Variants in MAP4K3 observed in about 807,000 individuals in gnomAD.
MAP4K3 encodes mitogen-activated protein kinase kinase kinase kinase 3.
A neutral mutation model predicts 143.5 loss-of-function variants in MAP4K3; 94 were observed. The ratio of observed to expected loss-of-function variants is 0.65; its 90% CI spans 0.55 to 0.78. The LOEUF is 0.78. MAP4K3 is among the 30% of genes least tolerant of loss of function. The pLI is 0.00. For missense variants in MAP4K3, 1,077 were observed against 1,068.1 expected (o/e 1.01, Z -0.12); for synonymous variants, 416 against 347.2 (o/e 1.20, Z -2.20).
chr2:39,365,421 G>A (rs1573202958), intron 2 of MAP4K3, among the ~76,000 whole-genome samples: 2 of 143,278 alleles, frequency 1.4e-5, no homozygotes, highest in East Asian at 2.1e-4. Flanking sequence ...TTTGGGTTAC[G>A]CCATAGTAAT....
intron 24 of MAP4K3, 57 bp from the exon 25 acceptor site, chr2:39,272,599 C>A: frequency 1.5e-6 from 2 of 1,364,374 alleles, no homozygotes; most frequent in South Asian, 2.4e-5. Context: ...CAATGTAAAT[C>A]TGTACACAGT....
chr2:39,395,196 A>G (rs546906996), intron 1 of MAP4K3, among the ~76,000 whole-genome samples: 32 of 152,222 alleles, frequency 2.1e-4, no homozygotes, highest in Non-Finnish European at 4.1e-4. Flanking sequence ...GCAATGTGCA[A>G]TAAACCCACC....
chr2:39,313,342 G>T (rs542255456), intron 13 of MAP4K3, among the ~76,000 whole-genome samples: 1 of 152,202 alleles, frequency 6.6e-6, no homozygotes, highest in African/African-American at 2.4e-5. Context: ...GTACCCAATA[G>T]TTACTTTTTC....
chr2:39,355,322 C>G (rs1453323172), intron 3 of MAP4K3, among the ~76,000 whole-genome samples: 1 of 143,376 alleles, frequency 7.0e-6, no homozygotes, highest in Non-Finnish European at 1.5e-5. Context: ...GATCACACCA[C>G]TGCACTCCAG....
chr2:39,391,307 C>T (rs555601740), intron 1 of MAP4K3, among the ~76,000 whole-genome samples: 2 of 118,200 alleles, frequency 1.7e-5, no homozygotes, highest in African/African-American at 3.1e-5. Flanking sequence ...TGCAGTGAGC[C>T]GAGATTGTGC....
At chr2:39,372,488 T>A (rs112327261) in intron 2 of MAP4K3, among the ~76,000 whole-genome samples, 4,946 of 146,262 alleles carry the variant, frequency 0.034, 117 homozygotes, top group South Asian at 0.055. Context: ...AAAGCTATCC[T>A]AAGGAAAAAA....
At chr2:39,423,004 G>C (rs1301722355) in intron 1 of MAP4K3, among the ~76,000 whole-genome samples, 1 of 151,740 alleles carries the variant, frequency 6.6e-6, no homozygotes, top group Non-Finnish European at 1.5e-5. Context: ...CACACACTGG[G>C]AAAAAATACT....
chr2:39,356,438 T>A (rs1184638923), intron 2 of MAP4K3, 99 bp from the exon 3 acceptor site: 2 of 667,868 alleles, frequency 3.0e-6, no homozygotes, highest in Non-Finnish European at 5.3e-6. Flanking sequence ...TTAATAAGTA[T>A]AACATAATTA....
chr2:39,383,262 A>G (rs1457247600), intron 1 of MAP4K3, among the ~76,000 whole-genome samples: 1 of 152,192 alleles, frequency 6.6e-6, no homozygotes, highest in African/African-American at 2.4e-5. Flanking sequence ...ACTTACAAGC[A>G]AGGCAAAAGG....
chr2:39,273,533 AC>A lies in MAP4K3; in HGVS notation c.1795-992del, dbSNP rs986325193. 7.7e-4 allele frequency among the ~76,000 whole-genome samples: 55 copies of A among 71,822 alleles called. 1 individual carries two copies. Among genetic ancestry groups the A allele is most frequent in the Admixed American group, 5.4e-3 (36 of 6,616 alleles). The allele number at this position is 71,822 out of a possible 152,430, so 47.1% of individuals were successfully genotyped here. ...GAGATGAGAGAATGGAATAGAGAGG[AC>A]CCAGGGGTGAATGATGAAACACATC... On this transcript the variant is annotated intron_variant, in intron 24 of 33. Transcript: ENST00000263881.
chr2:39,298,976 A>AAG (rs532087472), intron 16 of MAP4K3, among the ~76,000 whole-genome samples: 14 of 151,894 alleles, frequency 9.2e-5, no homozygotes, highest in African/African-American at 3.4e-4. Context: ...AAAAAAAAAA[A>AAG]AAAAAAGGAA....
intron 20 of MAP4K3, among the ~76,000 whole-genome samples, chr2:39,287,440 G>A (rs748067430): frequency 6.6e-6 from 1 of 152,064 alleles, no homozygotes; most frequent in African/African-American, 2.4e-5. Context: ...TGGGATTACA[G>A]GCATGCGCTA....
At chr2:39,435,455 A>G (rs929219415) in intron 1 of MAP4K3, among the ~76,000 whole-genome samples, 1 of 152,022 alleles carries the variant, frequency 6.6e-6, no homozygotes, top group African/African-American at 2.4e-5. Flanking sequence ...ATGCTCCCCT[A>G]TCTGGCGTAA....
chr2:39,363,187 C>CA (rs1353105021), intron 2 of MAP4K3, among the ~76,000 whole-genome samples: 11 of 152,116 alleles, frequency 7.2e-5, no homozygotes, highest in Non-Finnish European at 1.6e-4. Flanking sequence ...AAAGCACAGG[C>CA]AACAAAAGCA....
chr2:39,267,103 G>C, intron 27 of MAP4K3, 86 bp downstream of exon 27: 2 of 1,262,706 alleles, frequency 1.6e-6, no homozygotes, highest in Non-Finnish European at 2.3e-6. Context: ...AAGTATTGCT[G>C]GCAGAATGCC....
intron 15 of MAP4K3, among the ~76,000 whole-genome samples, chr2:39,303,412 T>A (rs1468855598): frequency 6.6e-6 from 1 of 152,176 alleles, no homozygotes; most frequent in African/African-American, 2.4e-5. Flanking sequence ...AATGGAATAA[T>A]ATGACTTTTG....
At chr2:39,300,317 T>C (rs1192781477) in intron 15 of MAP4K3, among the ~76,000 whole-genome samples, 1 of 152,252 alleles carries the variant, frequency 6.6e-6, no homozygotes, top group Non-Finnish European at 1.5e-5. Flanking sequence ...ACTTGTACAA[T>C]ATTATAAATT....
At position 39,279,746 on chromosome 2, in the gene MAP4K3, G is replaced by A. The variant is rs138823570; in HGVS notation, c.1714+526C>T. On this transcript the variant is annotated intron_variant, in intron 23 of 33. Coordinates refer to ENST00000263881, the MANE Select transcript of MAP4K3 (RefSeq NM_003618.4). ...GACAACTGCTTGAGCCCAGGACTTC[G>A]AGACCAGCCTGGGGAACACAGACAG... Among the ~76,000 whole-genome samples, 568 of 152,152 alleles carry A rather than the reference G, an allele frequency of 3.7e-3. 3 individuals carry two copies. Among genetic ancestry groups the A allele is most frequent in the Admixed American group, 8.9e-3 (136 of 15,278 alleles).
chr2:39,394,879 G>C (rs1252066828), intron 1 of MAP4K3, among the ~76,000 whole-genome samples: 2 of 151,960 alleles, frequency 1.3e-5, no homozygotes, highest in East Asian at 3.8e-4. Flanking sequence ...AGTTTCTTGA[G>C]ACTGGCCTGG....
Sources: gnomAD v4.1 joint callset for allele counts (sites outside exome capture counted in the v4.1 genomes callset) on GRCh38, gnomAD v4.1.1 for gene constraint, MANE v1.5 for transcripts, NCBI Gene and HGNC (gene_info 2026-07-23, HGNC 2026-07-21) for gene names.